The following ABCC6 variants were observed in gnomAD, a reference collection of about 807,000 sequenced individuals.
The protein encoded by ABCC6 is ATP-binding cassette sub-family C member 6.
Under a neutral mutation model 169.5 loss-of-function variants are expected in ABCC6, and 126 were observed. The observed-to-expected ratio is 0.74, with a 90% CI of 0.64 to 0.86. ABCC6 has a LOEUF of 0.86. Among genes scored for constraint, ABCC6 ranks in the 40% least tolerant of loss-of-function variants. The probability of loss-of-function intolerance (pLI) is 0.00; values close to 1 mark genes in which losing one functional copy is unlikely to be tolerated. For synonymous variants in ABCC6, 752 were observed against 814.7 expected, an observed-to-expected ratio of 0.92 and a Z score of 1.31; for missense variants, 1,733 against 1,927.2, an observed-to-expected ratio of 0.90 and a Z score of 1.89.
intron 26 of ABCC6, among the ~76,000 whole-genome samples, chr16:16,158,617 G>A (rs2046622815): frequency 6.6e-6 from 1 of 152,088 alleles, no homozygotes; most frequent in East Asian, 1.9e-4. Context: ...ATATCATGTT[G>A]CTGTTTTGTT....
In ABCC6 at chr16:16,203,663, C is replaced by T. The variant is rs374913195; in HGVS notation, c.795-50G>A. 293 of 1,607,774 alleles carry T rather than the reference C, an allele frequency of 1.8e-4. 1 individual carries two copies. The highest frequency in any genetic ancestry group is 8.3e-4 in the Middle Eastern group (5 of 6,050). On this transcript the variant is annotated intron_variant, in intron 7 of 30. Coordinates refer to ENST00000205557, the MANE Select transcript of ABCC6 (RefSeq NM_001171.6). ...CTGGGTCCCATTTTATACTCTCAGCCGCCAGCGGCAGGGCCAGGCATTAAA... is the reference window on the plus strand; with the variant it reads ...CTGGGTCCCATTTTATACTCTCAGCTGCCAGCGGCAGGGCCAGGCATTAAA...
chr16:16,158,877 T>G (rs1052369196), intron 26 of ABCC6, among the ~76,000 whole-genome samples: 1 of 152,176 alleles, frequency 6.6e-6, no homozygotes, highest in Non-Finnish European at 1.5e-5. Flanking sequence ...GCTGGGATGT[T>G]GCTGTCATGT....
intron 8 of ABCC6, among the ~76,000 whole-genome samples, chr16:16,202,436 G>A (rs940142177): frequency 6.6e-6 from 1 of 152,036 alleles, no homozygotes; most frequent in Non-Finnish European, 1.5e-5. Context: ...GCTAAATTGT[G>A]TCCTCACAAA....
chr16:16,159,564 C>T lies in ABCC6; in HGVS notation c.3653G>A (p.Trp1218Ter). The T allele has an allele frequency of 6.2e-7, 1 of 1,614,164 alleles. No individual in the cohort carries two copies. The highest frequency in any genetic ancestry group is 8.5e-7 in the Non-Finnish European group (1 of 1,180,012). ...TAGGTCTGTCCAGTTGCGAACAACC[C>T]ACTGCAGTGTCTGGGTCACCTGGTG... ...AALQVTQTLQ[W>*]VVRNWTDLEN... Residue 1218 changes from tryptophan to a stop codon, truncating the protein, a stop_gained, in exon 26 of 31, where the codon TGG becomes TAG. Coordinates refer to ENST00000205557, the MANE Select transcript of ABCC6 (RefSeq NM_001171.6). LOFTEE classifies it high-confidence loss of function.
At chr16:16,203,196 G>A (rs2048297479) in intron 8 of ABCC6, among the ~76,000 whole-genome samples, 1 of 152,248 alleles carries the variant, frequency 6.6e-6, no homozygotes, top group South Asian at 2.1e-4. Context: ...ACTAATTGAT[G>A]CAGTCAGGTA....
chr16:16,149,971 CT>C lies in ABCC6; in HGVS notation c.*161del. ...GCTAGGTCCTTCCGGCTCTGATGCT[CT>C]GTGATAATTGGCCACTTTCTCTGCC... On this transcript the variant is annotated 3_prime_UTR_variant, in exon 31 of 31. Coordinates refer to ENST00000205557, the MANE Select transcript of ABCC6 (RefSeq NM_001171.6). 9.1e-7 allele frequency: 1 copy of C among 1,103,702 alleles called. No homozygotes were observed. Among genetic ancestry groups the C allele is most frequent in the Admixed American group, 2.0e-5 (1 of 50,132 alleles). The allele number at this position is 1,103,702 out of a possible 1,614,324, so 68.4% of individuals were successfully genotyped here.
rs2046493182 is a variant in ABCC6, at chr16:16,154,901, A to G, written c.4013T>C (p.Leu1338Pro). 1.2e-6 allele frequency: 2 copies of G among 1,611,782 alleles called. No homozygotes were observed. Among genetic ancestry groups the G allele is most frequent in the East Asian group, 4.5e-5 (2 of 44,736 alleles). ...VPIAHVGLHT[L>P]RSRISIIPQD... ...GGGGATGATGCTGATCCTGGAGCGC[A>G]GTGTGTGCAGCCCCACGTGGGCAAT... The change falls in exon 28 of 31, where the codon CTG (leucine) becomes CCG (proline). Residue 1338 changes from leucine (L) to proline (P), a missense_variant. By Grantham distance (98) the Leu-to-Pro change is moderately conservative. Around this residue, in one of 5 missense-constraint regions of ABCC6, gnomAD observed 1,601 missense variants for 1,635.5 expected, o/e 0.98. Transcript: ENST00000205557.
At chr16:16,169,899 G>T in intron 21 of ABCC6, 46 bp from the exon 22 acceptor site, 2 of 1,543,452 alleles carry the variant, frequency 1.3e-6, no homozygotes, top group Middle Eastern at 2.0e-4. Context: ...GCCCCCAGTG[G>T]GAGGGGTGGG....
chr16:16,185,943 T>C (rs2047643201), intron 14 of ABCC6, among the ~76,000 whole-genome samples: 1 of 152,208 alleles, frequency 6.6e-6, no homozygotes, highest in African/African-American at 2.4e-5. Flanking sequence ...ATCAATTAAA[T>C]TCATCGTCAC....
At chr16:16,163,295 C>T in intron 23 of ABCC6, 103 bp from the exon 24 acceptor site, 2 of 1,083,380 alleles carry the variant, frequency 1.8e-6, no homozygotes, top group South Asian at 2.7e-5. Flanking sequence ...AGACCAGGAT[C>T]TGTTAACAGC....
At chr16:16,208,531 G>A (rs1267372336) in intron 7 of ABCC6, among the ~76,000 whole-genome samples, 197 bp downstream of exon 7, 3 of 151,888 alleles carry the variant, frequency 2.0e-5, no homozygotes, top group Non-Finnish European at 4.4e-5. Context: ...CTACCACCAC[G>A]CCCAGCTAAT....
intron 12 of ABCC6, 86 bp downstream of exon 12, chr16:16,190,078 C>G (rs1231627799): frequency 1.4e-6 from 2 of 1,435,226 alleles, no homozygotes; most frequent in Non-Finnish European, 9.7e-7. Flanking sequence ...GTGGTAGGAT[C>G]TGGGGGGCTC....
Position 16,173,782 on chromosome 16 carries a change from G to A in ABCC6, c.2667-378C>T, listed in dbSNP as rs566214417. ...GAGCTCAAGCAATCCACCTGCCTCAGCCTCCCAAAGTGCTGGGATTACAGG... is the reference window on the plus strand; with the variant it reads ...GAGCTCAAGCAATCCACCTGCCTCAACCTCCCAAAGTGCTGGGATTACAGG... On this transcript the variant is annotated intron_variant, in intron 20 of 30. Transcript: ENST00000205557. Among the ~76,000 whole-genome samples the A allele has an allele frequency of 3.3e-5, 5 of 151,080 alleles. No individual in the cohort carries two copies. The South Asian group carries it at 1.0e-3, about 32-fold the overall frequency.
chr16:16,177,498 C>A lies in ABCC6; in HGVS notation c.2544G>T (p.Met848Ile). ...QELLQRKGAL[M>I]CLLDQARQPG... is the part of the protein sequence containing the mutation. ...GCTGTCTGGCTTGATCCAGAAGACA[C>A]ATGAGGGCCCCCTTCCTCTGCAGAA... is the stretch of plus-strand genomic sequence containing the variant. Residue 848 changes from methionine (M) to isoleucine (I), a missense_variant, in exon 19 of 31, where the codon ATG becomes ATT. Physicochemically the swap from Met to Ile is conservative, Grantham distance 10. Transcript: ENST00000205557. 1 of 1,614,194 alleles carries A rather than the reference C, an allele frequency of 6.2e-7. No individual in the cohort carries two copies. Among genetic ancestry groups the A allele is most frequent in the Non-Finnish European group, 8.5e-7 (1 of 1,180,042 alleles).
chr16:16,183,568 C>T (rs2152261106), intron 15 of ABCC6, among the ~76,000 whole-genome samples: 1 of 152,352 alleles, frequency 6.6e-6, no homozygotes, highest in Non-Finnish European at 1.5e-5. Context: ...CTCCCGCCTC[C>T]TTCCGCTCTG....
intron 7 of ABCC6, among the ~76,000 whole-genome samples, chr16:16,205,629 C>CCCCTT (rs1320957308): frequency 6.6e-6 from 1 of 152,048 alleles, no homozygotes; most frequent in African/African-American, 2.4e-5. Context: ...CAAGAAGATG[C>CCCCTT]CCCTTCCATA....
At chr16:16,186,265 G>A (rs2047651809) in intron 14 of ABCC6, among the ~76,000 whole-genome samples, 1 of 152,130 alleles carries the variant, frequency 6.6e-6, no homozygotes, top group African/African-American at 2.4e-5. Context: ...TGCTTGAAAT[G>A]CTGCTATTTT....
chr16:16,203,670 G>T (rs2048313103), intron 7 of ABCC6, 57 bp from the exon 8 acceptor site: 3 of 1,592,432 alleles, frequency 1.9e-6, no homozygotes, highest in Non-Finnish European at 2.6e-6. Flanking sequence ...AGCCGCCAGC[G>T]GCAGGGCCAG....
intron 10 of ABCC6, among the ~76,000 whole-genome samples, chr16:16,195,942 G>A (rs1222289140): frequency 1.3e-5 from 2 of 152,162 alleles, no homozygotes; most frequent in Non-Finnish European, 2.9e-5. Context: ...AGGCACAGTG[G>A]CTCATGCCCG....
Sources: gnomAD v4.1 joint callset for allele counts (sites outside exome capture counted in the v4.1 genomes callset) on GRCh38, gnomAD v4.1.1 for gene constraint, gnomAD v4.1.1 regional missense constraint, MANE v1.5 for transcripts, NCBI Gene and HGNC (gene_info 2026-07-23, HGNC 2026-07-21) for gene names.